Variants in NSMF observed in about 807,000 individuals in gnomAD.
NSMF encodes the protein nasal embryonic LHRH factor.
A neutral mutation model predicts 71.0 loss-of-function variants in NSMF; 31 were observed. That is an observed-to-expected ratio of 0.44 (90% CI 0.33 to 0.59). The LOEUF (loss-of-function observed/expected upper bound fraction) is 0.59. NSMF is among the 20% of genes least tolerant of loss of function. The pLI is 0.04. For missense variants in NSMF, 673 were observed against 740.5 expected, an observed-to-expected ratio of 0.91 and a Z score of 1.06; for synonymous variants, 345 against 287.1, an observed-to-expected ratio of 1.20 and a Z score of -2.04.
At chr9:137,456,292 G>T in intron 4 of NSMF, 119 bp downstream of exon 4, 1 of 842,146 alleles carries the variant, frequency 1.2e-6, no homozygotes, top group Non-Finnish European at 2.0e-6. Flanking sequence ...GCATAGGCAC[G>T]TGGGTCTGTT....
chr9:137,457,747 G>A lies in NSMF; in HGVS notation c.288C>T (p.Gly96=). ...EPSIRKPAGE[G]PQPRVYTISG... is the part of the protein sequence containing the mutation. ...AGATGGTGTACACTCGAGGCTGAGG[G>A]CCCTCGCCTGCGGGCTTCCTAATGC... The change falls in exon 3 of 16, where the codon GGC becomes GGT. Residue 96 remains glycine, a synonymous_variant. Transcript: ENST00000371475. The A allele has an allele frequency of 6.4e-7, 1 of 1,558,286 alleles. No homozygotes were observed. The highest frequency in any genetic ancestry group is 8.7e-7 in the Non-Finnish European group (1 of 1,151,236).
At chr9:137,452,633 G>C (rs766723582) in intron 10 of NSMF, 47 bp from the exon 11 acceptor site, 1 of 1,611,412 alleles carries the variant, frequency 6.2e-7, no homozygotes, top group Non-Finnish European at 8.5e-7. Flanking sequence ...CTGCGTCAGA[G>C]CCAGCAGCGC....
At chr9:137,456,002 G>A (rs573503743) in intron 4 of NSMF, among the ~76,000 whole-genome samples, 1 of 152,274 alleles carries the variant, frequency 6.6e-6, no homozygotes, top group African/African-American at 2.4e-5. Flanking sequence ...TGTCAAGACA[G>A]AGAGGAGCAG....
intron 9 of NSMF, 100 bp from the exon 10 acceptor site, chr9:137,452,919 A>C (rs1830612805): frequency 6.4e-7 from 1 of 1,552,176 alleles, no homozygotes; most frequent in South Asian, 1.1e-5. Context: ...CAGGCAGCCC[A>C]AGGGTATAGC....
At chr9:137,455,195 A>G in intron 6 of NSMF, 44 bp downstream of exon 6, 1 of 1,595,346 alleles carries the variant, frequency 6.3e-7, no homozygotes, top group Non-Finnish European at 8.6e-7. Flanking sequence ...AGGCCAGCAC[A>G]GACCAGAGAT....
chr9:137,452,339 G>A (rs777946714), intron 12 of NSMF, 26 bp downstream of exon 12: 2 of 1,604,738 alleles, frequency 1.2e-6, no homozygotes, highest in Non-Finnish European at 1.7e-6. Context: ...TCTTCTCCTG[G>A]TCAGGAGACG....
intron 6 of NSMF, chr9:137,454,915 T>G: frequency 2.8e-6 from 2 of 708,496 alleles, no homozygotes; most frequent in South Asian, 3.3e-5. Flanking sequence ...CCACCAAACT[T>G]TGGACCCTGC....
At chr9:137,452,337 T>A in intron 12 of NSMF, 28 bp downstream of exon 12, 1 of 1,539,118 alleles carries the variant, frequency 6.5e-7, no homozygotes, top group Non-Finnish European at 8.8e-7. Context: ...ATTCTTCTCC[T>A]GGTCAGGAGA....
At chr9:137,455,840 G>A (rs906364584) in intron 4 of NSMF, among the ~76,000 whole-genome samples, 5 of 152,246 alleles carry the variant, frequency 3.3e-5, no homozygotes, top group Admixed American at 6.5e-5. Context: ...TGTCACTGCA[G>A]CCCATGCCAC....
chr9:137,454,535 C>G, intron 6 of NSMF, 92 bp from the exon 7 acceptor site: 1 of 1,549,346 alleles, frequency 6.5e-7, no homozygotes, highest in Non-Finnish European at 8.7e-7. Flanking sequence ...GCTCTACTCT[C>G]ACCCCTTCGG....
chr9:137,452,358 G>A lies in NSMF; in HGVS notation c.1236+7C>T, dbSNP rs774120874. 6.2e-7 allele frequency: 1 copy of A among 1,610,538 alleles called. No homozygotes were observed. Among genetic ancestry groups the A allele is most frequent in the Non-Finnish European group, 8.5e-7 (1 of 1,179,420 alleles). On this transcript the variant is annotated splice_region_variant and intron_variant, in intron 12 of 15. Coordinates refer to ENST00000371475, the MANE Select transcript of NSMF (RefSeq NM_001130969.3). ...CTCCTGGTCAGGAGACGAGCACTGAGCCCCACCTGGCAGAAAATCAGCATT... is the reference window on the plus strand; with the variant it reads ...CTCCTGGTCAGGAGACGAGCACTGAACCCCACCTGGCAGAAAATCAGCATT...
intron 2 of NSMF, among the ~76,000 whole-genome samples, 181 bp downstream of exon 2, chr9:137,458,307 C>A (rs1175279171): frequency 2.6e-5 from 4 of 152,118 alleles, no homozygotes; most frequent in Admixed American, 2.6e-4. Flanking sequence ...TGGTGACGAG[C>A]GGCTGGGAAC....
rs1366153036 is a variant in NSMF, at chr9:137,456,571, G to C, written c.629-85C>G. On this transcript the variant is annotated intron_variant, in intron 3 of 15. Coordinates refer to ENST00000371475, the MANE Select transcript of NSMF (RefSeq NM_001130969.3). ...TCCCTGTTGGGAAGCAGATGCTTCT[G>C]GGTCCAGGGGTCAGCAGAAGCTGGC... 10 of 918,198 alleles carry C rather than the reference G, an allele frequency of 1.1e-5. No homozygotes were observed. In the Admixed American group the frequency reaches 1.7e-4, roughly 16 times the overall value. 56.9% of individuals were successfully genotyped at this position (918,198 alleles called of 1,614,324 possible).
intron 2 of NSMF, 35 bp downstream of exon 2, chr9:137,458,453 C>T: frequency 6.5e-7 from 1 of 1,543,634 alleles, no homozygotes. Context: ...GCTGGGGGGT[C>T]TGGGCGGCCC....
intron 15 of NSMF, 53 bp from the exon 16 acceptor site, chr9:137,449,544 C>A (rs1027524119): frequency 1.2e-6 from 2 of 1,610,372 alleles, no homozygotes; most frequent in African/African-American, 1.3e-5. Flanking sequence ...GGGGATCCCA[C>A]CCCACCGTGG....
Position 137,452,574 on chromosome 9 carries a change from C to T in NSMF, c.1144G>A (p.Ala382Thr). The T allele has an allele frequency of 1.9e-6, 3 of 1,612,684 alleles. No homozygotes were observed. The highest frequency in any genetic ancestry group is 2.5e-6 in the Non-Finnish European group (3 of 1,179,958). Residue 382 changes from alanine to threonine, a missense_variant, in exon 11 of 16, where the codon GCA (alanine) becomes ACA (threonine). Transcript: ENST00000371475. ...ATACCAAGGATGTCCTCGAAGGTTG[C>T]GTGCTCATGGTCCTGGGGACAGACA... is the stretch of plus-strand genomic sequence containing the variant. ...IIPILYDHEH[A>T]TFEDILEEIE...
chr9:137,456,337 G>GA (rs760055849), intron 4 of NSMF, 74 bp downstream of exon 4: 8 of 1,247,628 alleles, frequency 6.4e-6, no homozygotes, highest in Non-Finnish European at 8.2e-6. Flanking sequence ...CAGAGACTGG[G>GA]AAAAAGTGCT....
chr9:137,452,661 C>A (rs898272570), intron 10 of NSMF, 75 bp from the exon 11 acceptor site: 5 of 1,607,326 alleles, frequency 3.1e-6, no homozygotes, highest in Non-Finnish European at 4.2e-6. Flanking sequence ...CCCTGGGGAC[C>A]TGGGGTGCCG....
rs1433493417 is a variant in NSMF at position 137,450,372 on chromosome 9, CCCCTTGATCTCCCCCACCACACGTCTTT to C, written c.1237-145_1237-118del. ...TCTTCATCCCCCGGCCACGCTTCTT[CCCCTTGATCTCCCCCACCACACGTCTTT>C]CCCTTGATCTCCCCCACCACACGCC... On this transcript the variant is annotated intron_variant, in intron 12 of 15. Transcript: ENST00000371475. 1.4e-3 allele frequency: 1,112 copies of C among 790,470 alleles called. 8 individuals carry two copies. Among genetic ancestry groups the C allele is most frequent in the African/African-American group, 9.2e-3 (526 of 57,340 alleles). The allele number at this position is 790,470 out of a possible 1,614,324, so 49.0% of individuals were successfully genotyped here. A position where few individuals can be genotyped will look rare whatever the true frequency, so the allele number is the denominator to read the frequency against.
Sources: gnomAD v4.1 joint callset for allele counts (sites outside exome capture counted in the v4.1 genomes callset) on GRCh38, gnomAD v4.1.1 for gene constraint, MANE v1.5 for transcripts, NCBI Gene and HGNC (gene_info 2026-07-23, HGNC 2026-07-21) for gene names.